Variants in PACRG observed in about 807,000 individuals in gnomAD.
PACRG encodes the protein parkin coregulated, also known as parkin coregulated gene protein.
In PACRG, 29 loss-of-function variants were observed where a neutral mutation model predicts 29.7. The ratio of observed to expected loss-of-function variants is 0.98; its 90% confidence interval spans 0.73 to 1.33. PACRG has a LOEUF of 1.33. Ranked by LOEUF, PACRG falls within the 40% of genes most tolerant of loss-of-function variation. PACRG has a pLI of 0.00. For missense variants in PACRG, 279 were observed against 316.2 expected (o/e 0.88, Z 0.89); for synonymous variants, 116 against 118.7 (o/e 0.98, Z 0.15).
chr6:162,879,938 A>T (rs1793694263), intron 2 of PACRG, among the ~76,000 whole-genome samples: 1 of 152,212 alleles, frequency 6.6e-6, no homozygotes, highest in Non-Finnish European at 1.5e-5. Flanking sequence ...GTGTGAGGGG[A>T]TATATTTTTT....
chr6:162,989,066 T>C (rs1483703566), intron 2 of PACRG, among the ~76,000 whole-genome samples: 1 of 152,206 alleles, frequency 6.6e-6, no homozygotes, highest in Non-Finnish European at 1.5e-5. Flanking sequence ...CCAGTGCTAC[T>C]ACTCTGGCAA....
chr6:162,834,915 G>A (rs1037112062), intron 2 of PACRG, among the ~76,000 whole-genome samples: 3 of 151,928 alleles, frequency 2.0e-5, no homozygotes, highest in East Asian at 1.9e-4. Flanking sequence ...CCTGATTTAC[G>A]TAAACTATTA....
At chr6:162,818,784 A>G (rs1421708243) in intron 2 of PACRG, among the ~76,000 whole-genome samples, 1 of 152,106 alleles carries the variant, frequency 6.6e-6, no homozygotes, top group African/African-American at 2.4e-5. Flanking sequence ...ATGCACTAAG[A>G]CGGTCTTGTT....
At chr6:162,990,938 G>A (rs1803403530) in intron 2 of PACRG, among the ~76,000 whole-genome samples, 1 of 18,204 alleles carries the variant, frequency 5.5e-5, no homozygotes, top group Non-Finnish European at 8.1e-5. Context: ...AAGGGATCCA[G>A]TTTCAGCTTT....
intron 3 of PACRG, among the ~76,000 whole-genome samples, chr6:163,062,562 G>A (rs1811183952): frequency 6.6e-6 from 1 of 152,160 alleles, no homozygotes; most frequent in African/African-American, 2.4e-5. Flanking sequence ...AATTTAAAAT[G>A]CCTCACAGTA....
chr6:162,739,150 G>A (rs1262262664), intron 1 of PACRG, among the ~76,000 whole-genome samples: 1 of 152,148 alleles, frequency 6.6e-6, no homozygotes, highest in Non-Finnish European at 1.5e-5. Flanking sequence ...CCAAATGCTT[G>A]TTTCCAAGAT....
chr6:162,827,710 A>G (rs1430060674), intron 2 of PACRG, among the ~76,000 whole-genome samples: 1 of 152,146 alleles, frequency 6.6e-6, no homozygotes, highest in Non-Finnish European at 1.5e-5. Flanking sequence ...GTAGATTACC[A>G]ACCATGCTGC....
chr6:163,186,745 G>A (rs186665035), intron 4 of PACRG, among the ~76,000 whole-genome samples: 1 of 152,298 alleles, frequency 6.6e-6, no homozygotes, highest in Non-Finnish European at 1.5e-5. Flanking sequence ...TTGCTTCCGA[G>A]TAGTTTGATG....
chr6:163,205,003 C>A (rs1026022367), intron 4 of PACRG, among the ~76,000 whole-genome samples: 3 of 152,142 alleles, frequency 2.0e-5, no homozygotes, highest in African/African-American at 7.2e-5. Flanking sequence ...TAGGGTATAG[C>A]TAACCATGGA....
intron 1 of PACRG, among the ~76,000 whole-genome samples, chr6:162,756,687 A>T (rs1329654565): frequency 6.6e-6 from 1 of 152,070 alleles, no homozygotes; most frequent in Non-Finnish European, 1.5e-5. Flanking sequence ...GCCATTTTGT[A>T]AATTTTTTTT....
At chr6:162,921,644 CT>C (rs367934356) in intron 2 of PACRG, among the ~76,000 whole-genome samples, 1 of 152,132 alleles carries the variant, frequency 6.6e-6, no homozygotes, top group African/African-American at 2.4e-5. Flanking sequence ...ATTCTTCCCC[CT>C]ACCCCCATTT....
chr6:163,025,654 G>A (rs1290947034), intron 2 of PACRG, among the ~76,000 whole-genome samples: 1 of 152,194 alleles, frequency 6.6e-6, no homozygotes, highest in Non-Finnish European at 1.5e-5. Flanking sequence ...GCATAGTTAG[G>A]ATTTATTTTC....
chr6:162,958,833 A>G (rs2128140442), intron 2 of PACRG, among the ~76,000 whole-genome samples: 1 of 143,688 alleles, frequency 7.0e-6, no homozygotes, highest in African/African-American at 2.6e-5. Flanking sequence ...GAGTGTATAT[A>G]TAGAGCATAT....
At chr6:162,947,622 AT>A (rs535559613) in intron 2 of PACRG, among the ~76,000 whole-genome samples, 155 of 48,166 alleles carry the variant, frequency 3.2e-3, no homozygotes, top group Non-Finnish European at 4.5e-3. Flanking sequence ...ATATATATAT[AT>A]ATATATATAT....
chr6:163,043,424 T>C lies in PACRG; in HGVS notation c.292-18726T>C, dbSNP rs555362249. On this transcript the variant is annotated intron_variant, in intron 2 of 4. Coordinates refer to ENST00000366888, the MANE Select transcript of PACRG (RefSeq NM_001080379.2). ...TACAAAAACTAGGTGGGCATGGTGG[T>C]GAGCCTGTAGTCAACTACTTGGGGG... 1.8e-4 allele frequency among the ~76,000 whole-genome samples: 27 copies of C among 152,140 alleles called. No homozygotes were observed. In the East Asian group the frequency reaches 5.0e-3, roughly 28 times the overall value.
At chr6:163,155,795 G>C (rs1408854605) in intron 4 of PACRG, among the ~76,000 whole-genome samples, 1 of 152,188 alleles carries the variant, frequency 6.6e-6, no homozygotes, top group Non-Finnish European at 1.5e-5. Flanking sequence ...CTGCAGGTAA[G>C]ATTCTAATGG....
At chr6:163,295,256 G>GA (rs1156378112) in intron 4 of PACRG, among the ~76,000 whole-genome samples, 11 of 152,104 alleles carry the variant, frequency 7.2e-5, no homozygotes, top group Non-Finnish European at 4.4e-5. Context: ...GCATACAAAA[G>GA]AAAAAATGAC....
intron 4 of PACRG, among the ~76,000 whole-genome samples, chr6:163,239,679 TAC>T (rs1211623712): frequency 7.0e-5 from 1 of 14,208 alleles, no homozygotes; most frequent in Non-Finnish European, 1.4e-4. Flanking sequence ...CCCCCACCCC[TAC>T]ACACACACGC....
intron 4 of PACRG, among the ~76,000 whole-genome samples, chr6:163,271,337 CAGGAA>C (rs1783826142): frequency 6.6e-6 from 1 of 152,012 alleles, no homozygotes; most frequent in African/African-American, 2.4e-5. Flanking sequence ...ACAAACACAC[CAGGAA>C]CAATACTTTG....
Sources: gnomAD v4.1 joint callset for allele counts (sites outside exome capture counted in the v4.1 genomes callset) on GRCh38, gnomAD v4.1.1 for gene constraint, MANE v1.5 for transcripts, NCBI Gene and HGNC (gene_info 2026-07-23, HGNC 2026-07-21) for gene names.